The following CCDC138 variants were observed in gnomAD, a reference collection of about 807,000 sequenced individuals.
CCDC138 encodes the protein coiled-coil domain-containing protein 138.
CCDC138 carries 66 observed loss-of-function variants against 82.3 expected under a neutral mutation model. That is an observed-to-expected ratio of 0.80 (90% CI 0.66 to 0.98). The LOEUF is 0.98. Ranked by LOEUF, CCDC138 falls within the 50% of genes least tolerant of loss-of-function variation. The pLI is 0.00. For missense variants in CCDC138, 816 were observed against 758.9 expected (o/e 1.08, Z -0.88); for synonymous variants, 297 against 265.4 (o/e 1.12, Z -1.16).
chr2:108,814,047 G>A (rs902891438), intron 9 of CCDC138, among the ~76,000 whole-genome samples: 5 of 152,268 alleles, frequency 3.3e-5, no homozygotes, highest in African/African-American at 7.2e-5. Flanking sequence ...AAGCTGCTAC[G>A]AATATTGGTG....
At chr2:108,795,698 G>C (rs1163970795) in intron 5 of CCDC138, among the ~76,000 whole-genome samples, 2 of 152,126 alleles carry the variant, frequency 1.3e-5, no homozygotes, top group African/African-American at 4.8e-5. Flanking sequence ...GACTTAATCT[G>C]GTCTTTGACT....
chr2:108,828,953 A>G (rs1379158382), intron 10 of CCDC138, among the ~76,000 whole-genome samples: 1 of 152,072 alleles, frequency 6.6e-6, no homozygotes, highest in Non-Finnish European at 1.5e-5. Flanking sequence ...ACTCCAGCCC[A>G]GGTGACAGTG....
At chr2:108,816,180 G>T in intron 10 of CCDC138, 75 bp downstream of exon 10, 1 of 1,085,040 alleles carries the variant, frequency 9.2e-7, no homozygotes, top group Non-Finnish European at 1.4e-6. Context: ...GCCAGGCACA[G>T]TGGCTCACGT....
chr2:108,805,553 G>A lies in CCDC138; in HGVS notation c.855+545G>A, dbSNP rs1005084190. On this transcript the variant is annotated intron_variant, in intron 7 of 14. Coordinates refer to ENST00000295124, the MANE Select transcript of CCDC138 (RefSeq NM_144978.3). ...ATCCTGGCTAACACAGTGAAACCCCGTCTCTACCAAAAATACAAAAAAAAA... is the reference window on the plus strand; with the variant it reads ...ATCCTGGCTAACACAGTGAAACCCCATCTCTACCAAAAATACAAAAAAAAA... 1.1e-4 allele frequency among the ~76,000 whole-genome samples: 14 copies of A among 125,692 alleles called. No individual in the cohort carries two copies. The East Asian group carries it at 1.3e-3, about 11-fold the overall frequency. 82.5% of individuals were successfully genotyped at this position (125,692 alleles called of 152,430 possible).
Position 108,786,783 on chromosome 2 carries a change from A to T in CCDC138, c.-40A>T, listed in dbSNP as rs1032414728. On this transcript the variant is annotated 5_prime_UTR_variant, in exon 1 of 15. Coordinates refer to ENST00000295124, the MANE Select transcript of CCDC138 (RefSeq NM_144978.3). ...GCCGCGTAGCGCCGCGGGTTTGATG[A>T]ACGCGGTTCCCGGGGAGACTGGTAC... is the stretch of plus-strand genomic sequence containing the variant. 3.2e-6 allele frequency: 5 copies of T among 1,540,186 alleles called. No homozygotes were observed. The highest frequency in any genetic ancestry group is 3.5e-6 in the Non-Finnish European group (4 of 1,132,742).
intron 5 of CCDC138, among the ~76,000 whole-genome samples, chr2:108,795,445 C>T (rs1324372923): frequency 6.6e-6 from 1 of 152,170 alleles, no homozygotes; most frequent in Non-Finnish European, 1.5e-5. Flanking sequence ...GCGTGAGCCA[C>T]AGTGCCCAGC....
chr2:108,818,452 T>A (rs913522823), intron 10 of CCDC138, among the ~76,000 whole-genome samples: 2 of 152,236 alleles, frequency 1.3e-5, no homozygotes, highest in African/African-American at 2.4e-5. Context: ...TGTTCAGGAT[T>A]TACAGTTTCT....
chr2:108,789,261 A>T (rs1471569609), intron 3 of CCDC138, among the ~76,000 whole-genome samples: 1 of 152,226 alleles, frequency 6.6e-6, no homozygotes, highest in African/African-American at 2.4e-5. Flanking sequence ...GACCCAAATG[A>T]AGACTCTGCT....
intron 7 of CCDC138, among the ~76,000 whole-genome samples, chr2:108,811,503 A>G (rs983866931): frequency 6.6e-6 from 1 of 151,930 alleles, no homozygotes; most frequent in Non-Finnish European, 1.5e-5. Flanking sequence ...TCACCCTCCC[A>G]AAGTGCTGGG....
At chr2:108,881,014 T>A (rs572268123), downstream of CCDC138, among the ~76,000 whole-genome samples, 1 of 152,226 alleles carries the variant, frequency 6.6e-6, no homozygotes, top group Non-Finnish European at 1.5e-5. Flanking sequence ...CGAATGACTT[T>A]GAGGGGTTTA....
chr2:108,809,223 G>A (rs1012361797), intron 7 of CCDC138, among the ~76,000 whole-genome samples: 1 of 152,104 alleles, frequency 6.6e-6, no homozygotes, highest in East Asian at 1.9e-4. Flanking sequence ...CTACAGTTTT[G>A]TAGTATATTT....
chr2:108,869,350 C>G (rs1319129406), intron 13 of CCDC138, among the ~76,000 whole-genome samples: 1 of 152,126 alleles, frequency 6.6e-6, no homozygotes, highest in Non-Finnish European at 1.5e-5. Flanking sequence ...GTAAATGGCC[C>G]AGTTCTCCAT....
At chr2:108,827,178 A>G (rs1202888542) in intron 10 of CCDC138, among the ~76,000 whole-genome samples, 1 of 152,202 alleles carries the variant, frequency 6.6e-6, no homozygotes, top group East Asian at 1.9e-4. Flanking sequence ...ATTGAAAGGC[A>G]GACCTATTTT....
intron 11 of CCDC138, 34 bp from the exon 12 acceptor site, chr2:108,846,704 A>G: frequency 1.3e-6 from 2 of 1,558,824 alleles, no homozygotes; most frequent in Non-Finnish European, 1.7e-6. Context: ...CTGAACATGA[A>G]TAAATATACT....
chr2:108,845,689 A>G (rs1238611508), intron 11 of CCDC138, among the ~76,000 whole-genome samples: 1 of 150,378 alleles, frequency 6.6e-6, no homozygotes, highest in Non-Finnish European at 1.5e-5. Flanking sequence ...CTCCTGTCTC[A>G]GCCTCCCAAG....
chr2:108,873,631 C>G, intron 14 of CCDC138, 42 bp downstream of exon 14: 2 of 1,406,698 alleles, frequency 1.4e-6, no homozygotes, highest in Non-Finnish European at 2.0e-6. Context: ...TGAAAAATAC[C>G]TTACTGTGAT....
At position 108,787,757 on chromosome 2, in the gene CCDC138, C is replaced by T. The variant is rs542068037; in HGVS notation, c.94-275C>T. On this transcript the variant is annotated intron_variant, in intron 1 of 14. Transcript: ENST00000295124. ...AGAATTATTTATTGGATTGTTTCTC[C>T]GTTTGGGTTTATCTTATAGATGCTT... 6.6e-5 allele frequency among the ~76,000 whole-genome samples: 10 copies of T among 151,836 alleles called. No individual in the cohort carries two copies. In the South Asian group the frequency reaches 1.9e-3, roughly 28 times the overall value.
rs369386416 is a variant in CCDC138 at position 108,870,630 on chromosome 2, G to A, written c.1694-2821G>A. On this transcript the variant is annotated intron_variant, in intron 13 of 14. Coordinates refer to ENST00000295124, the MANE Select transcript of CCDC138 (RefSeq NM_144978.3). ...AAAAGTAAATGTGGTATGTACATACGGTAGACTATTATTCAGTCTAAGAAA... is the reference window on the plus strand; with the variant it reads ...AAAAGTAAATGTGGTATGTACATACAGTAGACTATTATTCAGTCTAAGAAA... Among the ~76,000 whole-genome samples the A allele has an allele frequency of 3.2e-4, 49 of 152,256 alleles. No individual in the cohort carries two copies. In the East Asian group the frequency reaches 3.3e-3, roughly 10 times the overall value.
intron 13 of CCDC138, among the ~76,000 whole-genome samples, chr2:108,869,072 A>G (rs1045784867): frequency 6.6e-6 from 1 of 152,140 alleles, no homozygotes; most frequent in African/African-American, 2.4e-5. Context: ...ATAATATTGT[A>G]CATGCTCAAG....
Sources: gnomAD v4.1 joint callset for allele counts (sites outside exome capture counted in the v4.1 genomes callset) on GRCh38, gnomAD v4.1.1 for gene constraint, MANE v1.5 for transcripts, NCBI Gene and HGNC (gene_info 2026-07-23, HGNC 2026-07-21) for gene names.